Variants in MYO6 observed in about 807,000 individuals in gnomAD.
MYO6 encodes the protein myosin VI, also known as unconventional myosin-VI.
In MYO6, 74 loss-of-function variants were observed where a neutral mutation model predicts 178.7. The observed-to-expected ratio is 0.41, with a 90% CI of 0.34 to 0.50. The LOEUF (loss-of-function observed/expected upper bound fraction) is 0.50. MYO6 is among the 20% of genes least tolerant of loss of function. The probability of loss-of-function intolerance (pLI) is 0.09; values close to 1 mark genes in which losing one functional copy is unlikely to be tolerated. For missense variants in MYO6, 1,330 were observed against 1,547.4 expected, an observed-to-expected ratio of 0.86 and a Z score of 2.36; for synonymous variants, 477 against 504.6, an observed-to-expected ratio of 0.95 and a Z score of 0.73.
intron 1 of MYO6, among the ~76,000 whole-genome samples, chr6:75,766,061 A>G (rs945078565): frequency 6.6e-6 from 1 of 152,090 alleles, no homozygotes; most frequent in African/African-American, 2.4e-5. Context: ...GGTGGCTCAC[A>G]CCTGTAATCC....
intron 5 of MYO6, 59 bp from the exon 6 acceptor site, chr6:75,832,783 C>G: frequency 9.6e-7 from 1 of 1,038,148 alleles, no homozygotes; most frequent in Non-Finnish European, 1.5e-6. Flanking sequence ...AGTGAACTTT[C>G]TATTATTAAC....
At chr6:75,900,293 T>A (rs1362336319) in intron 30 of MYO6, among the ~76,000 whole-genome samples, 4 of 152,146 alleles carry the variant, frequency 2.6e-5, no homozygotes, top group Non-Finnish European at 5.9e-5. Context: ...TAGTTCTAGA[T>A]CCCTGAGGAA....
intron 33 of MYO6, 138 bp from the exon 34 acceptor site, chr6:75,913,925 A>G (rs1780957229): frequency 1.4e-6 from 1 of 691,970 alleles, no homozygotes; most frequent in Non-Finnish European, 2.4e-6. Context: ...GTAGGCAATA[A>G]ATATTTTCAT....
At chr6:75,819,098 T>C (rs886553118) in intron 2 of MYO6, among the ~76,000 whole-genome samples, 1 of 152,212 alleles carries the variant, frequency 6.6e-6, no homozygotes, top group South Asian at 2.1e-4. Context: ...ATTTTAAATA[T>C]TTTAATATGC....
At chr6:75,774,301 AT>A (rs1161860401) in intron 1 of MYO6, among the ~76,000 whole-genome samples, 5 of 152,192 alleles carry the variant, frequency 3.3e-5, no homozygotes, top group African/African-American at 7.2e-5. Flanking sequence ...GATAGTTAAC[AT>A]TTTTGTACCA....
intron 3 of MYO6, among the ~76,000 whole-genome samples, chr6:75,824,333 T>C (rs1302172677): frequency 6.6e-6 from 1 of 152,236 alleles, no homozygotes; most frequent in Non-Finnish European, 1.5e-5. Flanking sequence ...GGGTGTTAAC[T>C]ATTCTCATAA....
intron 30 of MYO6, among the ~76,000 whole-genome samples, chr6:75,901,073 G>A (rs909259013): frequency 2.6e-5 from 4 of 152,134 alleles, no homozygotes; most frequent in Non-Finnish European, 4.4e-5. Flanking sequence ...TGAGGGCTCT[G>A]TTCTGTTGCA....
Position 75,914,280 on chromosome 6 carries a change from T to G in MYO6, c.3657T>G (p.Ala1219=). 1 of 1,614,108 alleles carries G rather than the reference T, an allele frequency of 6.2e-7. No homozygotes were observed. Among genetic ancestry groups the G allele is most frequent in the Non-Finnish European group, 8.5e-7 (1 of 1,179,964 alleles). ...ACAAGCCACCCATCCTACTTGTGGC[T>G]GGTGTGTATGATTCACATGGAAAAC... is the stretch of plus-strand genomic sequence containing the variant. ...HPDKPPILLV[A]GKDDMEMCEL... is the part of the protein sequence containing the mutation. Residue 1219 remains alanine (A), a splice_region_variant and synonymous_variant, in exon 34 of 35, where the codon GCT becomes GCG. Transcript: ENST00000369977.
intron 28 of MYO6, among the ~76,000 whole-genome samples, chr6:75,893,308 T>G (rs554972869): frequency 2.6e-5 from 4 of 152,162 alleles, no homozygotes; most frequent in South Asian, 2.1e-4. Flanking sequence ...GCAGAAAGGT[T>G]TAATAGATTC....
chr6:75,879,015 G>A (rs551306447), intron 20 of MYO6, among the ~76,000 whole-genome samples: 1 of 152,356 alleles, frequency 6.6e-6, no homozygotes, highest in East Asian at 1.9e-4. Flanking sequence ...GTGAAAGGCA[G>A]TCTTTATAGT....
At chr6:75,893,448 A>G (rs1325616985) in intron 28 of MYO6, among the ~76,000 whole-genome samples, 1 of 152,224 alleles carries the variant, frequency 6.6e-6, no homozygotes, top group Non-Finnish European at 1.5e-5. Context: ...ACATAGACAC[A>G]TGTAACCATG....
intron 25 of MYO6, among the ~76,000 whole-genome samples, chr6:75,887,623 G>A (rs1778545843): frequency 8.0e-6 from 1 of 124,872 alleles, no homozygotes; most frequent in African/African-American, 3.1e-5. Context: ...CCTGGTGACA[G>A]AGTGAGACTC....
intron 1 of MYO6, among the ~76,000 whole-genome samples, chr6:75,760,872 T>C (rs971494088): frequency 5.9e-5 from 9 of 152,182 alleles, no homozygotes; most frequent in Admixed American, 1.3e-4. Flanking sequence ...GCTCTTAGTT[T>C]TTCCATGTTG....
chr6:75,873,281 G>A lies in MYO6; in HGVS notation c.2058G>A (p.Leu686=), dbSNP rs761806332. Residue 686 remains leucine, a synonymous_variant, in exon 20 of 35, where the codon CTG becomes CTA. Transcript: ENST00000369977. Reference sequence around the variant, plus strand: ...ACCACTTTGAAGGTGCTCAAATTCTGTCTCAGCTTCAGTGTTCAGGTATTT... The same window carrying A: ...ACCACTTTGAAGGTGCTCAAATTCTATCTCAGCTTCAGTGTTCAGGTATTT... ...TSHHFEGAQI[L]SQLQCSGMVS... is the part of the protein sequence containing the mutation. 1 of 1,613,422 alleles carries A rather than the reference G, an allele frequency of 6.2e-7. No homozygotes were observed. The highest frequency in any genetic ancestry group is 1.7e-5 in the Admixed American group (1 of 60,016).
intron 1 of MYO6, among the ~76,000 whole-genome samples, chr6:75,796,874 A>T (rs535414617): frequency 1.3e-5 from 2 of 152,232 alleles, no homozygotes; most frequent in African/African-American, 4.8e-5. Flanking sequence ...CACTTGGGAT[A>T]ATGGCCTCCA....
intron 30 of MYO6, among the ~76,000 whole-genome samples, chr6:75,905,420 T>C (rs1581982788): frequency 6.6e-6 from 1 of 152,354 alleles, no homozygotes; most frequent in East Asian, 1.9e-4. Context: ...AATCTCCTGG[T>C]GCGCCATTTT....
Position 75,909,703 on chromosome 6 carries a change from T to C in MYO6, c.3412+1076T>C, listed in dbSNP as rs1246767700. 2.6e-5 allele frequency among the ~76,000 whole-genome samples: 4 copies of C among 152,236 alleles called. No homozygotes were observed. The East Asian group carries it at 7.7e-4, about 29-fold the overall frequency. On this transcript the variant is annotated intron_variant, in intron 32 of 34. Coordinates refer to ENST00000369977, the MANE Select transcript of MYO6 (RefSeq NM_004999.4). ...GTTCAAATTGGCACAATTTATTCGC[T>C]TAATTCTGGTTAACATCAAGGTGAC...
At chr6:75,752,067 A>G (rs1776947338) in intron 1 of MYO6, among the ~76,000 whole-genome samples, 1 of 150,412 alleles carries the variant, frequency 6.6e-6, no homozygotes, top group Admixed American at 6.7e-5. Context: ...ATCTTGGGTC[A>G]CTGCAACCTC....
At chr6:75,895,009 G>A (rs985405012) in intron 28 of MYO6, among the ~76,000 whole-genome samples, 1 of 152,124 alleles carries the variant, frequency 6.6e-6, no homozygotes, top group Non-Finnish European at 1.5e-5. Context: ...TAATCTAGAT[G>A]TAATGTATTT....
Sources: gnomAD v4.1 joint callset for allele counts (sites outside exome capture counted in the v4.1 genomes callset) on GRCh38, gnomAD v4.1.1 for gene constraint, MANE v1.5 for transcripts, NCBI Gene and HGNC (gene_info 2026-07-23, HGNC 2026-07-21) for gene names.